Variants in FRMPD4 observed in about 807,000 individuals in gnomAD.
The protein encoded by FRMPD4 is FERM and PDZ domain-containing protein 4.
In FRMPD4, 22 loss-of-function variants were observed where a neutral mutation model predicts 94.1. That is an observed-to-expected ratio of 0.23 (90% CI 0.17 to 0.33). FRMPD4 has a LOEUF of 0.33. Among genes scored for constraint, FRMPD4 ranks in the 10% least tolerant of loss-of-function variants. The probability of loss-of-function intolerance (pLI) is 1.00; values close to 1 mark genes in which losing one functional copy is unlikely to be tolerated. For missense variants in FRMPD4, 1,111 were observed against 1,339.9 expected (o/e 0.83, Z 2.67); for synonymous variants, 631 against 548.6 (o/e 1.15, Z -2.10).
At chrX:12,183,601 C>T (rs1215240566) in intron 1 of FRMPD4, among the ~76,000 whole-genome samples, 2 of 111,603 alleles carry the variant, frequency 1.8e-5, no homozygotes, top group African/African-American at 6.5e-5. Flanking sequence ...CAAAGAATTT[C>T]CCTACCCCAC....
chrX:11,832,013 T>C lies in FRMPD4; in HGVS notation c.-161+9298T>C, dbSNP rs767759696. 3.6e-5 allele frequency among the ~76,000 whole-genome samples: 4 copies of C among 111,934 alleles called. No homozygotes were observed. The East Asian group carries it at 8.5e-4, about 24-fold the overall frequency. On this transcript the variant is annotated intron_variant, in intron 1 of 18. Coordinates refer to the FRMPD4 transcript ENST00000640291. ...TGACCTGGGCACAAACTAATGAATG[T>C]GCTTTTTGGCTCAGCTTGCCCATAG...
chrX:11,908,585 A>G (rs2053980427), intron 3 of FRMPD4, among the ~76,000 whole-genome samples: 1 of 111,579 alleles, frequency 9.0e-6, no homozygotes, highest in Admixed American at 9.5e-5. Context: ...TCTATTTTAC[A>G]CTGCTAGCCC....
intron 3 of FRMPD4, among the ~76,000 whole-genome samples, chrX:12,106,236 C>T: frequency 8.9e-6 from 1 of 112,164 alleles, no homozygotes; most frequent in East Asian, 2.8e-4. Flanking sequence ...GTGAGAATGT[C>T]CTTGGAGAGG....
chrX:12,276,136 A>G (rs1377688972), intron 1 of FRMPD4, among the ~76,000 whole-genome samples: 2 of 112,721 alleles, frequency 1.8e-5, no homozygotes, highest in African/African-American at 6.4e-5. Context: ...TTTCAAGTCC[A>G]TTTTTATATA....
At chrX:12,621,968 G>GAGAAAGAAAGAGAGAAAGAAAGAA (rs2059295151) in intron 4 of FRMPD4, among the ~76,000 whole-genome samples, 1 of 41,077 alleles carries the variant, frequency 2.4e-5, no homozygotes, top group African/African-American at 1.1e-4. Flanking sequence ...AAGAAAGAAA[G>GAGAAAGAAAGAGAGAAAGAAAGAA]AGAAAGAAAG....
intron 4 of FRMPD4, among the ~76,000 whole-genome samples, chrX:12,662,805 T>G (rs1343689694): frequency 8.9e-6 from 1 of 112,399 alleles, no homozygotes; most frequent in Non-Finnish European, 1.9e-5. Flanking sequence ...TGAACTAATT[T>G]ACACTCCCAC....
intron 4 of FRMPD4, among the ~76,000 whole-genome samples, chrX:12,637,408 G>T (rs937684831): frequency 4.4e-5 from 5 of 112,475 alleles, no homozygotes; most frequent in Non-Finnish European, 9.4e-5. Flanking sequence ...GGTGGCTCAT[G>T]CCTATAATCT....
At position 12,475,422 on chromosome X, in the gene FRMPD4, T is replaced by G. The variant is rs1344409645; in HGVS notation, c.42-23258T>G. ...TGGCACAAGACAGGGATGCCCTCTC[T>G]CACCACTCCTATTCAACATAGTGTT... On this transcript the variant is annotated intron_variant, in intron 1 of 16. Coordinates refer to ENST00000675598, the MANE Select transcript of FRMPD4 (RefSeq NM_001368397.1). 4.5e-5 allele frequency among the ~76,000 whole-genome samples: 5 copies of G among 111,432 alleles called. No homozygotes were observed. In the East Asian group the frequency reaches 1.4e-3, roughly 31 times the overall value.
intron 3 of FRMPD4, among the ~76,000 whole-genome samples, chrX:11,898,693 A>G (rs1051926412): frequency 1.8e-5 from 2 of 112,713 alleles, no homozygotes; most frequent in African/African-American, 3.2e-5. Flanking sequence ...ATTAAAAAAG[A>G]AAAAGATAAT....
intron 2 of FRMPD4, among the ~76,000 whole-genome samples, chrX:12,551,969 G>A (rs1275885378): frequency 8.9e-6 from 1 of 111,798 alleles, no homozygotes; most frequent in Non-Finnish European, 1.9e-5. Flanking sequence ...TTGTATGAAA[G>A]GTAGAATAAA....
At chrX:11,934,852 C>G (rs762726154) in intron 3 of FRMPD4, among the ~76,000 whole-genome samples, 1 of 110,404 alleles carries the variant, frequency 9.1e-6, no homozygotes, top group Non-Finnish European at 1.9e-5. Flanking sequence ...AATTGCTATT[C>G]AAGACAAGAT....
intron 4 of FRMPD4, among the ~76,000 whole-genome samples, chrX:12,651,420 T>C (rs762222126): frequency 6.5e-5 from 7 of 107,218 alleles, no homozygotes; most frequent in Non-Finnish European, 1.2e-4. Context: ...CCTTCCAAGA[T>C]ACTAAAAGCA....
intron 3 of FRMPD4, among the ~76,000 whole-genome samples, chrX:12,090,474 ATTTC>A (rs908940992): frequency 1.8e-5 from 2 of 109,594 alleles, no homozygotes; most frequent in African/African-American, 6.6e-5. Context: ...AATCTCAGGT[ATTTC>A]TTTATAGCAA....
At chrX:12,235,585 C>T (rs770347951) in intron 1 of FRMPD4, among the ~76,000 whole-genome samples, 2 of 112,231 alleles carry the variant, frequency 1.8e-5, no homozygotes, top group South Asian at 3.7e-4. Flanking sequence ...TACTATTAAG[C>T]TGCTTTACAA....
chrX:12,457,574 A>G (rs1037215949), intron 1 of FRMPD4, among the ~76,000 whole-genome samples: 1 of 111,842 alleles, frequency 8.9e-6, no homozygotes, highest in African/African-American at 3.2e-5. Flanking sequence ...GAGAGCTTAA[A>G]TAACTTGACA....
intron 4 of FRMPD4, among the ~76,000 whole-genome samples, chrX:12,668,962 G>A (rs1047454632): frequency 6.3e-5 from 7 of 111,633 alleles, no homozygotes; most frequent in African/African-American, 2.3e-4. Flanking sequence ...TTATGCATGT[G>A]GCAGGCAAAA....
intron 1 of FRMPD4, among the ~76,000 whole-genome samples, chrX:12,172,774 A>G (rs1373534854): frequency 8.9e-6 from 1 of 112,535 alleles, no homozygotes; most frequent in African/African-American, 3.2e-5. Context: ...CCTCCTCTCT[A>G]GAAGCTAGAT....
chrX:12,268,487 C>A (rs768727850), intron 1 of FRMPD4, among the ~76,000 whole-genome samples: 2 of 112,055 alleles, frequency 1.8e-5, no homozygotes, highest in African/African-American at 6.5e-5. Flanking sequence ...GGTCATCCCA[C>A]CAACAGAAAT....
At chrX:11,999,262 G>T (rs1298618868) in intron 3 of FRMPD4, among the ~76,000 whole-genome samples, 1 of 111,388 alleles carries the variant, frequency 9.0e-6, no homozygotes, top group Non-Finnish European at 1.9e-5. Context: ...CCTGAGAGTT[G>T]CCATATTTGT....
Sources: gnomAD v4.1 joint callset for allele counts (sites outside exome capture counted in the v4.1 genomes callset) on GRCh38, gnomAD v4.1.1 for gene constraint, MANE v1.5 for transcripts, NCBI Gene and HGNC (gene_info 2026-07-23, HGNC 2026-07-21) for gene names.